AK5: variants seen among roughly 807,000 people sequenced by gnomAD.
The protein encoded by AK5 is adenylate kinase 5.
Under a neutral mutation model 69.5 loss-of-function variants are expected in AK5, and 27 were observed. That is an observed-to-expected ratio of 0.39 (90% CI 0.29 to 0.54). AK5 has a LOEUF of 0.54. Among genes scored for constraint, AK5 ranks in the 20% least tolerant of loss-of-function variants. The probability of loss-of-function intolerance (pLI) is 0.71; values close to 1 mark genes in which losing one functional copy is unlikely to be tolerated. For missense variants in AK5, 531 were observed against 700.4 expected (o/e 0.76, Z 2.73); for synonymous variants, 260 against 244.4 (o/e 1.06, Z -0.60).
chr1:77,460,497 A>G (rs893265633), intron 8 of AK5, among the ~76,000 whole-genome samples: 1 of 152,228 alleles, frequency 6.6e-6, no homozygotes, highest in African/African-American at 2.4e-5. Context: ...GTCTTTTAGA[A>G]GTTAATTTGC....
Position 77,404,057 on chromosome 1 carries a change from G to A in AK5, c.892-6924G>A, listed in dbSNP as rs533913899. On this transcript the variant is annotated intron_variant, in intron 6 of 13. Transcript: ENST00000354567. ...TCCTAGGTATTTTATTCTCTTTGAA[G>A]CAATTGTGAATGGGAGTTCACTCAT... Among the ~76,000 whole-genome samples the A allele has an allele frequency of 2.6e-5, 4 of 152,260 alleles. No homozygotes were observed. In the South Asian group the frequency reaches 8.3e-4, roughly 32 times the overall value.
intron 6 of AK5, chr1:77,346,265 T>C (rs1049297677): frequency 6.6e-6 from 1 of 152,062 alleles, no homozygotes; most frequent in South Asian, 2.1e-4. Flanking sequence ...CATCAGACAC[T>C]CCTAGCCACA....
At chr1:77,424,438 T>G (rs904539154) in intron 8 of AK5, among the ~76,000 whole-genome samples, 1 of 152,048 alleles carries the variant, frequency 6.6e-6, no homozygotes, top group African/African-American at 2.4e-5. Context: ...TTTTATTTTT[T>G]GTGTAGATGA....
At chr1:77,397,805 G>A (rs1009988798) in intron 6 of AK5, among the ~76,000 whole-genome samples, 1 of 152,186 alleles carries the variant, frequency 6.6e-6, no homozygotes, top group African/African-American at 2.4e-5. Flanking sequence ...AGGAGGCTGA[G>A]GCAGGAGCAT....
intron 8 of AK5, among the ~76,000 whole-genome samples, chr1:77,444,437 A>T (rs1451656709): frequency 2.0e-5 from 1 of 50,042 alleles, no homozygotes; most frequent in African/African-American, 9.6e-5. Flanking sequence ...GTATAAATAT[A>T]TACTATATAT....
chr1:77,423,018 A>G lies in AK5; in HGVS notation c.1059+5303A>G, dbSNP rs552949466. Among the ~76,000 whole-genome samples, 3 of 152,218 alleles carry G rather than the reference A, an allele frequency of 2.0e-5. No homozygotes were observed. The South Asian group carries it at 6.2e-4, about 32-fold the overall frequency. The stretch of plus-strand genomic sequence containing the variant: ...ATCACGAGGTCAGGAGATTGAGACC[A>G]TCCTGGCTAACATGGTGAAACCTTG... On this transcript the variant is annotated intron_variant, in intron 8 of 13. Transcript: ENST00000354567.
intron 5 of AK5, among the ~76,000 whole-genome samples, chr1:77,324,327 GTGT>G (rs747754598): frequency 1.3e-5 from 1 of 78,136 alleles, no homozygotes; most frequent in Non-Finnish European, 3.5e-5. Flanking sequence ...GCGTGTGTGT[GTGT>G]GTGTGTGTGT....
intron 7 of AK5, among the ~76,000 whole-genome samples, chr1:77,413,096 C>T (rs1038869234): frequency 4.6e-5 from 7 of 152,020 alleles, no homozygotes; most frequent in Non-Finnish European, 1.0e-4. Flanking sequence ...GCCACGAGTA[C>T]CCTTAGCACA....
intron 5 of AK5, among the ~76,000 whole-genome samples, chr1:77,299,640 T>C (rs1162356133): frequency 6.6e-6 from 1 of 152,114 alleles, no homozygotes; most frequent in African/African-American, 2.4e-5. Flanking sequence ...CTGGAAAATA[T>C]CTGATGAAGT....
intron 5 of AK5, chr1:77,314,952 A>G (rs1460818306): frequency 1.3e-5 from 2 of 152,140 alleles, no homozygotes; most frequent in Non-Finnish European, 2.9e-5. Context: ...ATCATGTTCT[A>G]GGCTATTGTA....
At chr1:77,505,672 G>A (rs113788304) in intron 10 of AK5, among the ~76,000 whole-genome samples, 3 of 151,856 alleles carry the variant, frequency 2.0e-5, no homozygotes, top group African/African-American at 7.2e-5. Context: ...TTCAAGACTA[G>A]CCTGGCCAAC....
At chr1:77,401,335 T>G (rs1261444126) in intron 6 of AK5, among the ~76,000 whole-genome samples, 2 of 152,306 alleles carry the variant, frequency 1.3e-5, no homozygotes, top group African/African-American at 4.8e-5. Context: ...GCCAGTTATT[T>G]GCATGTTGAA....
chr1:77,374,780 A>G (rs1467874341), intron 6 of AK5, among the ~76,000 whole-genome samples: 1 of 151,662 alleles, frequency 6.6e-6, no homozygotes, highest in Non-Finnish European at 1.5e-5. Context: ...TGATCTCACC[A>G]CTACTCTCCA....
At chr1:77,460,693 C>T (rs1301888918) in intron 8 of AK5, among the ~76,000 whole-genome samples, 1 of 151,920 alleles carries the variant, frequency 6.6e-6, no homozygotes, top group Non-Finnish European at 1.5e-5. Flanking sequence ...CACAGAAAGA[C>T]AAACACTGCA....
intron 12 of AK5, among the ~76,000 whole-genome samples, chr1:77,533,395 A>G (rs1171862517): frequency 1.3e-5 from 2 of 151,774 alleles, no homozygotes; most frequent in Non-Finnish European, 2.9e-5. Flanking sequence ...GCACACCTGT[A>G]ATCCCAGCTA....
intron 8 of AK5, among the ~76,000 whole-genome samples, chr1:77,467,065 A>G (rs12047928): frequency 0.24 from 35,985 of 152,180 alleles, 4,839 homozygotes; most frequent in South Asian, 0.4. Context: ...AGATGTGAAC[A>G]TGCATCAAAT....
intron 8 of AK5, among the ~76,000 whole-genome samples, chr1:77,450,100 G>A (rs1557602144): frequency 6.6e-6 from 1 of 152,124 alleles, no homozygotes; most frequent in Non-Finnish European, 1.5e-5. Context: ...AAAACAGCAA[G>A]AGTCACCTTT....
chr1:77,549,551 T>C (rs1415703876), intron 13 of AK5, among the ~76,000 whole-genome samples: 1 of 152,186 alleles, frequency 6.6e-6, no homozygotes, highest in Admixed American at 6.5e-5. Context: ...TCACATTCAT[T>C]CTATCTACCT....
chr1:77,297,550 A>G lies in AK5; in HGVS notation c.416-9A>G. 6.3e-7 allele frequency: 1 copy of G among 1,587,532 alleles called. No individual in the cohort carries two copies. The highest frequency in any genetic ancestry group is 1.7e-4 in the Middle Eastern group (1 of 5,910). ...AGAAGATCACAGTTTTGCCTGTTTT[A>G]AATACTAGGTGGTCCAGGAAGTGGA... is the stretch of plus-strand genomic sequence containing the variant. On this transcript the variant is annotated splice_polypyrimidine_tract_variant and intron_variant, in intron 3 of 13. Coordinates refer to ENST00000354567, the MANE Select transcript of AK5 (RefSeq NM_174858.3).
Sources: gnomAD v4.1 joint callset for allele counts (sites outside exome capture counted in the v4.1 genomes callset) on GRCh38, gnomAD v4.1.1 for gene constraint, MANE v1.5 for transcripts, NCBI Gene and HGNC (gene_info 2026-07-23, HGNC 2026-07-21) for gene names.